MAEL: variants seen among roughly 807,000 people sequenced by gnomAD.
MAEL encodes the protein maelstrom spermatogenic transposon silencer.
Under a neutral mutation model 62.0 loss-of-function variants are expected in MAEL, and 46 were observed. That is an observed-to-expected ratio of 0.74 (90% CI 0.59 to 0.95). The LOEUF (loss-of-function observed/expected upper bound fraction) is 0.95. MAEL is among the 40% of genes least tolerant of loss of function. The pLI, the probability that MAEL is intolerant of heterozygous loss-of-function variation, is 0.00. For missense variants in MAEL, 497 were observed against 526.8 expected (o/e 0.94, Z 0.55); for synonymous variants, 172 against 175.5 (o/e 0.98, Z 0.16).
intron 8 of MAEL, among the ~76,000 whole-genome samples, chr1:167,010,691 TC>T: frequency 6.6e-6 from 1 of 152,254 alleles, no homozygotes; most frequent in African/African-American, 2.4e-5. Flanking sequence ...CAAGTGATCT[TC>T]CTGCCTCAGC....
intron 5 of MAEL, among the ~76,000 whole-genome samples, chr1:166,999,134 G>A (rs898348239): frequency 3.9e-5 from 6 of 152,190 alleles, no homozygotes; most frequent in Admixed American, 6.5e-5. Context: ...CAAGTGAAAG[G>A]AAGGGTTGCA....
At chr1:166,997,168 T>G (rs1039739048) in intron 5 of MAEL, among the ~76,000 whole-genome samples, 1 of 152,186 alleles carries the variant, frequency 6.6e-6, no homozygotes, top group Non-Finnish European at 1.5e-5. Context: ...GGGCCACACA[T>G]AAAATACACT....
At chr1:167,004,371 G>C in intron 6 of MAEL, 67 bp downstream of exon 6, 1 of 1,445,464 alleles carries the variant, frequency 6.9e-7, no homozygotes, top group Non-Finnish European at 9.3e-7. Context: ...ATAAAACAAA[G>C]AATTTTTGCC....
Position 167,021,722 on chromosome 1 carries a change from G to A in MAEL, c.1172G>A (p.Arg391Lys), listed in dbSNP as rs1665638042. The A allele has an allele frequency of 6.2e-7, 1 of 1,613,168 alleles. No homozygotes were observed. The highest frequency in any genetic ancestry group is 8.5e-7 in the Non-Finnish European group (1 of 1,179,670). The change falls in exon 12 of 12, where the codon AGA becomes AAA. Residue 391 changes from arginine (R) to lysine (K), a missense_variant. Arg to Lys is a conservative substitution (Grantham distance 26). Coordinates refer to ENST00000367872, the MANE Select transcript of MAEL (RefSeq NM_032858.3). ...ISGQNSSVRG[R>K]GITRLLESIS... ...GGCCAAAACAGCAGCGTTCGGGGAA[G>A]AGGAATTACCCGCTTACTAGAGAGC...
intron 5 of MAEL, among the ~76,000 whole-genome samples, chr1:166,994,738 T>C (rs1410247): frequency 0.74 from 108,561 of 147,494 alleles, 40,166 homozygotes; most frequent in African/African-American, 0.77. Context: ...GGCGTGATCT[T>C]GGCTCACTGC....
intron 10 of MAEL, 21 bp from the exon 11 acceptor site, chr1:167,021,064 G>T (rs1449600221): frequency 6.4e-7 from 1 of 1,558,576 alleles, no homozygotes; most frequent in East Asian, 2.2e-5. Context: ...TTTCCCCCTG[G>T]TATTTTCCTG....
At chr1:167,002,212 G>T (rs1372282989) in intron 5 of MAEL, among the ~76,000 whole-genome samples, 1 of 152,082 alleles carries the variant, frequency 6.6e-6, no homozygotes, top group African/African-American at 2.4e-5. Flanking sequence ...TTCCATTTAT[G>T]TTAAAGACAG....
Position 166,989,455 on chromosome 1 carries a change from G to A in MAEL, c.103G>A (p.Ala35Thr), listed in dbSNP as rs770286186. ...CCTGCCTGTGGCTCGCGTTGCTGAT[G>A]CCATCCCTTACTGCTCCTCAGACTG... is the stretch of plus-strand genomic sequence containing the variant. The part of the protein sequence containing the change: ...RGLPVARVAD[A>T]IPYCSSDWAL... Residue 35 changes from alanine (A) to threonine (T), a missense_variant, in exon 1 of 12, where the codon GCC becomes ACC. Physicochemically the swap from Ala to Thr is moderately conservative, Grantham distance 58. Coordinates refer to ENST00000367872, the MANE Select transcript of MAEL (RefSeq NM_032858.3). 7 of 1,588,186 alleles carry A rather than the reference G, an allele frequency of 4.4e-6. No homozygotes were observed. The highest frequency in any genetic ancestry group is 1.3e-5 in the African/African-American group (1 of 74,720).
At chr1:167,016,333 T>TA in intron 9 of MAEL, 49 bp downstream of exon 9, 1 of 1,565,752 alleles carries the variant, frequency 6.4e-7, no homozygotes, top group Non-Finnish European at 8.8e-7. Flanking sequence ...CTGATTAAAT[T>TA]ATTCTGTGCC....
chr1:167,020,962 A>G lies in MAEL; in HGVS notation c.1042-123A>G, dbSNP rs992764687. 18 of 756,866 alleles carry G rather than the reference A, an allele frequency of 2.4e-5. No individual in the cohort carries two copies. In the Admixed American group the frequency reaches 4.5e-4, roughly 19 times the overall value. 46.9% of individuals were successfully genotyped at this position (756,866 alleles called of 1,614,324 possible). A position where few individuals can be genotyped will look rare whatever the true frequency, so the allele number is the denominator to read the frequency against. On this transcript the variant is annotated intron_variant, in intron 10 of 11. Transcript: ENST00000367872. ...CCTTTGCAGCAAAAATTGATAAGAC[A>G]TTGGAAAAGTATTTGAGTGTTAGTT... is the stretch of plus-strand genomic sequence containing the variant.
intron 3 of MAEL, among the ~76,000 whole-genome samples, 198 bp downstream of exon 3, chr1:166,991,675 C>A (rs1664179445): frequency 6.7e-6 from 1 of 149,648 alleles, no homozygotes; most frequent in South Asian, 2.2e-4. Flanking sequence ...TTTTTTTTAA[C>A]AAAAATCTGT....
chr1:167,021,306 G>A, intron 11 of MAEL, 146 bp downstream of exon 11: 1 of 652,294 alleles, frequency 1.5e-6, no homozygotes, highest in Middle Eastern at 3.6e-4. Flanking sequence ...TTTGGCATTA[G>A]CACCTTAAAC....
intron 1 of MAEL, among the ~76,000 whole-genome samples, chr1:166,976,432 A>G (rs565785515): frequency 1.3e-4 from 20 of 152,336 alleles, no homozygotes; most frequent in African/African-American, 4.8e-4. Context: ...GGAAGGTCAG[A>G]CCATTAAAGA....
At chr1:166,994,666 A>ATTTTT (rs35009494) in intron 5 of MAEL, among the ~76,000 whole-genome samples, 5 of 119,608 alleles carry the variant, frequency 4.2e-5, no homozygotes, top group East Asian at 2.4e-4. Flanking sequence ...CTGTAAGGTA[A>ATTTTT]TTTTTTTTTT....
At chr1:167,001,572 T>C (rs535064058) in intron 5 of MAEL, among the ~76,000 whole-genome samples, 1 of 152,322 alleles carries the variant, frequency 6.6e-6, no homozygotes, top group Admixed American at 6.5e-5. Flanking sequence ...GTCATAACTT[T>C]AGAGTACATA....
intron 10 of MAEL, among the ~76,000 whole-genome samples, chr1:167,019,622 A>G (rs2102133670): frequency 6.6e-6 from 1 of 152,228 alleles, no homozygotes; most frequent in Middle Eastern, 3.4e-3. Flanking sequence ...ACCTTTTCAA[A>G]TGGTGACATC....
intron 8 of MAEL, chr1:167,012,617 T>G (rs954245205): frequency 2.0e-5 from 3 of 152,168 alleles, no homozygotes; most frequent in Admixed American, 6.5e-5. Flanking sequence ...TTTTGATAAG[T>G]GCTAAGAAGA....
intron 5 of MAEL, 141 bp from the exon 6 acceptor site, chr1:167,004,039 A>G: frequency 1.5e-6 from 1 of 675,336 alleles, no homozygotes; most frequent in Non-Finnish European, 2.5e-6. Context: ...AAATATGTAA[A>G]ATCCTTAACA....
Position 167,022,034 on chromosome 1 carries a change from G to A in MAEL, c.*179G>A. 1.9e-6 allele frequency: 1 copy of A among 527,954 alleles called. No homozygotes were observed. The highest frequency in any genetic ancestry group is 3.3e-6 in the Non-Finnish European group (1 of 304,846). 32.7% of individuals were successfully genotyped at this position (527,954 alleles called of 1,614,324 possible). On this transcript the variant is annotated 3_prime_UTR_variant, in exon 12 of 12. Coordinates refer to ENST00000367872, the MANE Select transcript of MAEL (RefSeq NM_032858.3). The stretch of plus-strand genomic sequence containing the variant: ...GGTTGGAGAGCATCTTGGCATTTGT[G>A]CTTTTTTTCTTGAGGGATTGTTCTG...
Sources: allele counts gnomAD v4.1 joint callset (sites outside exome capture counted in the v4.1 genomes callset), GRCh38; gene constraint gnomAD v4.1.1; transcripts MANE v1.5; gene names NCBI Gene and HGNC (gene_info 2026-07-23, HGNC 2026-07-21).